TSPAN3: variants seen among roughly 807,000 people sequenced by gnomAD.
The protein encoded by TSPAN3 is tetraspanin 3.
A neutral mutation model predicts 31.1 loss-of-function variants in TSPAN3; 9 were observed. The ratio of observed to expected loss-of-function variants is 0.29; its 90% confidence interval spans 0.17 to 0.50. TSPAN3 has a LOEUF of 0.50. TSPAN3 is among the 20% of genes least tolerant of loss of function. The probability of loss-of-function intolerance (pLI) is 0.98; values close to 1 mark genes in which losing one functional copy is unlikely to be tolerated. For missense variants in TSPAN3, 252 were observed against 313.5 expected (o/e 0.80, Z 1.48); for synonymous variants, 129 against 114.3 (o/e 1.13, Z -0.82).
intron 1 of TSPAN3, among the ~76,000 whole-genome samples, chr15:77,069,456 AAAAT>A (rs1410156186): frequency 2.0e-4 from 31 of 152,304 alleles, no homozygotes; most frequent in Middle Eastern, 3.4e-3. Context: ...AAAATAAAAT[AAAAT>A]AAATAAATAA....
chr15:77,049,734 C>T (rs777352603), intron 6 of TSPAN3, among the ~76,000 whole-genome samples: 1 of 152,022 alleles, frequency 6.6e-6, no homozygotes, highest in Non-Finnish European at 1.5e-5. Flanking sequence ...TGGACTAGAG[C>T]AAGAGTCACC....
chr15:77,055,307 C>T (rs986431728), intron 3 of TSPAN3: 2 of 152,890 alleles, frequency 1.3e-5, no homozygotes, highest in Admixed American at 1.3e-4. Context: ...AGTGCTGGCA[C>T]CAGCTGCCTT....
At chr15:77,061,758 G>A (rs1238297891) in intron 1 of TSPAN3, among the ~76,000 whole-genome samples, 2 of 152,196 alleles carry the variant, frequency 1.3e-5, no homozygotes, top group African/African-American at 4.8e-5. Context: ...GCAAAGAATA[G>A]AAGTGATTTT....
intron 1 of TSPAN3, among the ~76,000 whole-genome samples, chr15:77,059,710 CCTA>C (rs765643887): frequency 2.0e-5 from 3 of 152,126 alleles, no homozygotes; most frequent in Non-Finnish European, 4.4e-5. Context: ...TTTCGGTACA[CCTA>C]CTGAAACTTC....
intron 1 of TSPAN3, chr15:77,063,401 C>T (rs2076811989): frequency 6.7e-6 from 1 of 150,170 alleles, no homozygotes; most frequent in African/African-American, 2.5e-5. Flanking sequence ...TTTTTTAAGA[C>T]AGGGTCTTGC....
intron 1 of TSPAN3, chr15:77,063,369 T>A (rs2076811691): frequency 6.6e-6 from 1 of 151,752 alleles, no homozygotes; most frequent in Non-Finnish European, 1.5e-5. Flanking sequence ...ACCACTATAC[T>A]AATGAGAAAA....
chr15:77,062,288 T>C (rs1007560932), intron 1 of TSPAN3, among the ~76,000 whole-genome samples: 1 of 152,204 alleles, frequency 6.6e-6, no homozygotes, highest in Non-Finnish European at 1.5e-5. Flanking sequence ...CTTGCCATAA[T>C]GTATATTCTC....
chr15:77,047,611 C>T (rs545244118), intron 6 of TSPAN3, among the ~76,000 whole-genome samples: 32 of 152,238 alleles, frequency 2.1e-4, no homozygotes, highest in African/African-American at 6.0e-4. Context: ...GTCACTCTTC[C>T]GTCATCATTT....
intron 1 of TSPAN3, among the ~76,000 whole-genome samples, chr15:77,061,036 T>C (rs966089114): frequency 6.6e-6 from 1 of 152,252 alleles, no homozygotes; most frequent in Non-Finnish European, 1.5e-5. Context: ...GCCATCTTGT[T>C]ATAAAATTTT....
At chr15:77,060,881 G>T (rs574451103) in intron 1 of TSPAN3, among the ~76,000 whole-genome samples, 9 of 152,200 alleles carry the variant, frequency 5.9e-5, no homozygotes, top group African/African-American at 2.2e-4. Context: ...TAGGCAAAAG[G>T]CTGAGGTCTG....
chr15:77,066,463 T>G (rs1019071825), intron 1 of TSPAN3, among the ~76,000 whole-genome samples: 1 of 148,650 alleles, frequency 6.7e-6, no homozygotes, highest in African/African-American at 2.5e-5. Flanking sequence ...TCCCAGCTAC[T>G]CGGGAGGCTG....
intron 1 of TSPAN3, among the ~76,000 whole-genome samples, chr15:77,056,785 A>G (rs765163812): frequency 1.1e-4 from 16 of 152,208 alleles, no homozygotes; most frequent in East Asian, 1.9e-4. Context: ...TTGCTGTCCT[A>G]GAGACAGTGA....
chr15:77,051,625 G>A (rs118020058), intron 6 of TSPAN3, among the ~76,000 whole-genome samples: 2,852 of 151,770 alleles, frequency 0.019, 31 homozygotes, highest in South Asian at 0.057. Flanking sequence ...CAAGACAGAG[G>A]ATTGCTTGAG....
At chr15:77,054,452 A>G (rs868633216) in intron 3 of TSPAN3, 173 bp from the exon 4 acceptor site, 5 of 482,454 alleles carry the variant, frequency 1.0e-5, no homozygotes, top group Non-Finnish European at 1.9e-5. Context: ...AGATGAAGGC[A>G]GGAGGGAGAA....
At chr15:77,055,053 C>T (rs1270437250) in intron 3 of TSPAN3, 1 of 152,088 alleles carries the variant, frequency 6.6e-6, no homozygotes, top group African/African-American at 2.4e-5. Flanking sequence ...CACAGCTTTA[C>T]AGTACCTTAC....
intron 1 of TSPAN3, among the ~76,000 whole-genome samples, chr15:77,066,489 T>C (rs972299874): frequency 2.9e-5 from 4 of 139,516 alleles, no homozygotes; most frequent in African/African-American, 1.1e-4. Context: ...GGAAGATCGC[T>C]TGAACCCGGG....
chr15:77,047,527 T>G (rs1000077993), intron 6 of TSPAN3, among the ~76,000 whole-genome samples: 1 of 152,188 alleles, frequency 6.6e-6, no homozygotes, highest in African/African-American at 2.4e-5. Context: ...GTTGGAAGGT[T>G]TTTTGTTTCC....
At chr15:77,049,439 C>G (rs1229164176) in intron 6 of TSPAN3, among the ~76,000 whole-genome samples, 1 of 152,154 alleles carries the variant, frequency 6.6e-6, no homozygotes, top group Non-Finnish European at 1.5e-5. Context: ...TGTAGAGAGA[C>G]AGCCTTACTC....
At chr15:77,065,996 C>A (rs973118907) in intron 1 of TSPAN3, among the ~76,000 whole-genome samples, 2 of 152,048 alleles carry the variant, frequency 1.3e-5, no homozygotes, top group African/African-American at 4.8e-5. Context: ...GCTTTCTGTT[C>A]CAGTCCCTGT....
Sources: gnomAD v4.1 joint callset for allele counts (sites outside exome capture counted in the v4.1 genomes callset) on GRCh38, gnomAD v4.1.1 for gene constraint, MANE v1.5 for transcripts, NCBI Gene and HGNC (gene_info 2026-07-23, HGNC 2026-07-21) for gene names.